Variants in TSNAXIP1 observed in about 807,000 individuals in gnomAD.
TSNAXIP1 encodes translin associated factor X interacting protein 1, also known as translin-associated factor X-interacting protein 1.
In TSNAXIP1, 89 loss-of-function variants were observed where a neutral mutation model predicts 84.8. The observed-to-expected ratio is 1.05, with a 90% CI of 0.88 to 1.25. TSNAXIP1 has a LOEUF of 1.25. Ranked by LOEUF, TSNAXIP1 falls within the 50% of genes most tolerant of loss-of-function variation. TSNAXIP1 has a pLI of 0.00. For synonymous variants in TSNAXIP1, 347 were observed against 335.2 expected (o/e 1.04, Z -0.39); for missense variants, 874 against 887.6 (o/e 0.98, Z 0.20).
chr16:67,826,790 G>A lies in TSNAXIP1; in HGVS notation c.1500G>A (p.Lys500=). ...AWAYTIFENI[K]IFHSNEVMSQ... Reference sequence around the variant, plus strand: ...CTTATACTATTTTTGAAAATATCAAGATCTTCCACTCCAACGAGGTTATGA... The same window carrying A: ...CTTATACTATTTTTGAAAATATCAAAATCTTCCACTCCAACGAGGTTATGA... Residue 500 remains lysine, a synonymous_variant, in exon 12 of 16, where the codon AAG becomes AAA. Coordinates refer to ENST00000561639, the MANE Select transcript of TSNAXIP1 (RefSeq NM_001288990.3). 1 of 1,614,098 alleles carries A rather than the reference G, an allele frequency of 6.2e-7. No individual in the cohort carries two copies. The highest frequency in any genetic ancestry group is 2.2e-5 in the East Asian group (1 of 44,882).
chr16:67,822,495 G>A (rs549578757), intron 4 of TSNAXIP1, among the ~76,000 whole-genome samples: 5 of 151,926 alleles, frequency 3.3e-5, no homozygotes, highest in Admixed American at 2.0e-4. Context: ...GGGTCACACC[G>A]TGTTTACCAG....
intron 1 of TSNAXIP1, 90 bp from the exon 2 acceptor site, chr16:67,814,212 C>T (rs1367047282): frequency 1.3e-5 from 14 of 1,054,500 alleles, no homozygotes; most frequent in Admixed American, 2.1e-5. Flanking sequence ...CTCAGGGAGA[C>T]GGCTATGCCT....
Position 67,814,477 on chromosome 16 carries a change from A to G in TSNAXIP1, c.147+76A>G, listed in dbSNP as rs1373638095. The stretch of plus-strand genomic sequence containing the variant: ...TCCGTCTCCCTTCCTGCAACCCAAG[A>G]GTACCACCCACCTGAAACATGCCCA... On this transcript the variant is annotated intron_variant, in intron 2 of 15. Transcript: ENST00000561639. The G allele has an allele frequency of 3.3e-6, 4 of 1,204,654 alleles. No individual in the cohort carries two copies. In the African/African-American group the frequency reaches 4.5e-5, roughly 14 times the overall value. The allele number at this position is 1,204,654 out of a possible 1,614,324, so 74.6% of individuals were successfully genotyped here.
chr16:67,816,980 T>C (rs1176215715), intron 2 of TSNAXIP1, among the ~76,000 whole-genome samples: 4 of 151,520 alleles, frequency 2.6e-5, no homozygotes, highest in African/African-American at 4.8e-5. Context: ...ATTAATTTAT[T>C]TTTTGAGACG....
At chr16:67,809,646 A>G (rs1597975022) in intron 1 of TSNAXIP1, among the ~76,000 whole-genome samples, 1 of 151,794 alleles carries the variant, frequency 6.6e-6, no homozygotes, top group Non-Finnish European at 1.5e-5. Context: ...AAATAAATAA[A>G]TAAATAAATA....
At chr16:67,820,698 C>G in intron 2 of TSNAXIP1, 141 bp from the exon 3 acceptor site, 1 of 555,362 alleles carries the variant, frequency 1.8e-6, no homozygotes, top group Non-Finnish European at 3.1e-6. Flanking sequence ...GAGCCAAGAT[C>G]GTGCCACCAC....
chr16:67,822,967 G>A (rs1490185338), intron 4 of TSNAXIP1, among the ~76,000 whole-genome samples: 3 of 152,178 alleles, frequency 2.0e-5, no homozygotes. Flanking sequence ...GAATCTACCA[G>A]GCTCTAAGAT....
At chr16:67,816,918 G>GA (rs972190538) in intron 2 of TSNAXIP1, among the ~76,000 whole-genome samples, 4 of 151,510 alleles carry the variant, frequency 2.6e-5, no homozygotes, top group Non-Finnish European at 2.9e-5. Context: ...TCTCCCGGTA[G>GA]AAACAGTAGA....
chr16:67,807,664 G>A (rs1196123472), intron 1 of TSNAXIP1: 1 of 263,112 alleles, frequency 3.8e-6, no homozygotes, highest in African/African-American at 2.3e-5. Flanking sequence ...TTTGTTTTTT[G>A]TAGAGACGAG....
At position 67,826,286 on chromosome 16, in the gene TSNAXIP1, G is replaced by A. The variant is rs772633366; in HGVS notation, c.1275+4G>A. On this transcript the variant is annotated splice_donor_region_variant and intron_variant, in intron 10 of 15. Transcript: ENST00000561639. ...GAAAGACTTCTTCCCTGGTCTGGTA[G>A]GGGAGGCCCCAGGAGTGGGGCTTGG... is the stretch of plus-strand genomic sequence containing the variant. 6.3e-6 allele frequency: 10 copies of A among 1,578,034 alleles called. No homozygotes were observed. In the South Asian group the frequency reaches 1.1e-4, roughly 17 times the overall value.
intron 2 of TSNAXIP1, among the ~76,000 whole-genome samples, chr16:67,819,192 A>C (rs1314046439): frequency 2.0e-5 from 3 of 151,994 alleles, no homozygotes; most frequent in Non-Finnish European, 2.9e-5. Flanking sequence ...TAAATAAATA[A>C]ATACATACAT....
At position 67,827,958 on chromosome 16, in the gene TSNAXIP1, C is replaced by T. The variant is rs150288850; in HGVS notation, c.2104C>T (p.Arg702Cys). The change falls in exon 16 of 16, where the codon CGT becomes TGT. Residue 702 changes from arginine to cysteine, a missense_variant. By Grantham distance (180) the Arg-to-Cys change is radical. Coordinates refer to ENST00000561639, the MANE Select transcript of TSNAXIP1 (RefSeq NM_001288990.3). ...GCGGCTTCAGGTGATTGACATCAGGCGTGTGGGACCTCGAGAGCCAGAGCC... is the reference window on the plus strand; with the variant it reads ...GCGGCTTCAGGTGATTGACATCAGGTGTGTGGGACCTCGAGAGCCAGAGCC... Reference protein sequence around the residue: ...LERLQVIDIRRVGPREPEPAS With the variant: ...LERLQVIDIRCVGPREPEPAS The T allele has an allele frequency of 7.9e-5, 128 of 1,613,486 alleles. No homozygotes were observed. Among genetic ancestry groups the T allele is most frequent in the Non-Finnish European group, 1.1e-4 (124 of 1,179,986 alleles).
chr16:67,816,802 C>A (rs964988448), intron 2 of TSNAXIP1, among the ~76,000 whole-genome samples: 29 of 152,004 alleles, frequency 1.9e-4, no homozygotes, highest in African/African-American at 9.7e-5. Flanking sequence ...TCCAGCCACC[C>A]GGGCGGAGAT....
At chr16:67,813,657 G>A (rs1393968042) in intron 1 of TSNAXIP1, among the ~76,000 whole-genome samples, 9 of 148,434 alleles carry the variant, frequency 6.1e-5, no homozygotes, top group Admixed American at 6.8e-5. Flanking sequence ...GCTTGAACCC[G>A]CGAGATGGAG....
intron 1 of TSNAXIP1, among the ~76,000 whole-genome samples, chr16:67,812,992 C>T (rs1204133164): frequency 6.6e-6 from 1 of 151,948 alleles, no homozygotes. Context: ...GCAATCTCGG[C>T]TCACTGCAAC....
At chr16:67,810,428 G>A (rs2055947343) in intron 1 of TSNAXIP1, among the ~76,000 whole-genome samples, 1 of 151,968 alleles carries the variant, frequency 6.6e-6, no homozygotes, top group South Asian at 2.1e-4. Flanking sequence ...AGACCAGCCT[G>A]ACCAACACGG....
chr16:67,822,637 A>C (rs2057152643), intron 4 of TSNAXIP1, among the ~76,000 whole-genome samples: 1 of 152,196 alleles, frequency 6.6e-6, no homozygotes, highest in Non-Finnish European at 1.5e-5. Context: ...GAGAATCACC[A>C]AATCTGCTTA....
chr16:67,808,778 A>AAG (rs1003150452), intron 1 of TSNAXIP1, among the ~76,000 whole-genome samples: 5 of 152,004 alleles, frequency 3.3e-5, no homozygotes, highest in Admixed American at 2.0e-4. Context: ...GGAAAAAGAA[A>AAG]AGAGAGAGAG....
rs891628837 is a variant in TSNAXIP1, at chr16:67,814,398, G to A, written c.144G>A (p.Thr48=). The A allele has an allele frequency of 1.8e-5, 27 of 1,535,652 alleles. No individual in the cohort carries two copies. Among genetic ancestry groups the A allele is most frequent in the Non-Finnish European group, 2.2e-5 (25 of 1,146,550 alleles). The change falls in exon 2 of 16, where the codon ACG becomes ACA. Residue 48 remains threonine, a synonymous_variant. Transcript: ENST00000561639. ...GCAAGCTTCTTCAGAAACGAAGGAC[G>A]CTGGTTAGTGACAATGTTGTTTTGG... ...QNRKLLQKRR[T]LTGQFSMGGH... is the part of the protein sequence containing the mutation.
Sources: allele counts gnomAD v4.1 joint callset (sites outside exome capture counted in the v4.1 genomes callset), GRCh38; gene constraint gnomAD v4.1.1; transcripts MANE v1.5; gene names NCBI Gene and HGNC (gene_info 2026-07-23, HGNC 2026-07-21).